Variants in EIF5B observed in about 807,000 individuals in gnomAD.
The protein encoded by EIF5B is eIF-5B.
A neutral mutation model predicts 147.5 loss-of-function variants in EIF5B; 47 were observed. That is an observed-to-expected ratio of 0.32 (90% CI 0.25 to 0.41). The LOEUF (loss-of-function observed/expected upper bound fraction) is 0.41. Ranked by LOEUF, EIF5B falls within the 10% of genes least tolerant of loss-of-function variation. The pLI is 1.00. For missense variants in EIF5B, 1,064 were observed against 1,413.2 expected (o/e 0.75, Z 3.96); for synonymous variants, 455 against 456.2 (o/e 1.00, Z 0.03).
At chr2:99,356,874 A>G (rs1188168119) in intron 1 of EIF5B, among the ~76,000 whole-genome samples, 1 of 152,198 alleles carries the variant, frequency 6.6e-6, no homozygotes, top group Non-Finnish European at 1.5e-5. Flanking sequence ...ACAAATGATG[A>G]TGAACATTTT....
At chr2:99,369,855 A>C (rs1674408503) in intron 8 of EIF5B, among the ~76,000 whole-genome samples, 2 of 152,144 alleles carry the variant, frequency 1.3e-5, no homozygotes, top group Non-Finnish European at 2.9e-5. Context: ...GGGTGCCTGT[A>C]ATCCCAGCTA....
Position 99,379,054 on chromosome 2 carries a change from C to T in EIF5B, c.1878C>T (p.Thr626=), listed in dbSNP as rs11896520. The change falls in exon 11 of 24, where the codon ACC becomes ACT. Residue 626 remains threonine, a synonymous_variant. Coordinates refer to ENST00000289371, the MANE Select transcript of EIF5B (RefSeq NM_015904.4). ...RRLEHSKNVN[T]EKLRAPIICV... Reference sequence around the variant, plus strand: ...TTGAACATAGTAAAAATGTAAACACCGAAAAGCTAAGAGCCCCTATTATCT... The same window carrying T: ...TTGAACATAGTAAAAATGTAAACACTGAAAAGCTAAGAGCCCCTATTATCT... The T allele has an allele frequency of 0.25, 399,988 of 1,578,834 alleles. 54,391 individuals carry two copies. Among genetic ancestry groups the T allele is most frequent in the Admixed American group, 0.36 (19,687 of 54,900 alleles).
At chr2:99,363,507 G>A (rs1215573760) in intron 4 of EIF5B, 138 bp from the exon 5 acceptor site, 7 of 814,454 alleles carry the variant, frequency 8.6e-6, no homozygotes, top group Non-Finnish European at 1.4e-5. Context: ...AGGATGCCTT[G>A]ATGCCTGTAG....
At chr2:99,360,189 T>C in intron 1 of EIF5B, 47 bp from the exon 2 acceptor site, 1 of 1,550,002 alleles carries the variant, frequency 6.5e-7, no homozygotes, top group Non-Finnish European at 8.7e-7. Context: ...AATGAATGAT[T>C]ATTTTGCTTT....
Position 99,361,665 on chromosome 2 carries a change from A to T in EIF5B, c.764A>T (p.Glu255Val), listed in dbSNP as rs2105345129. The change falls in exon 4 of 24, where the codon GAA becomes GTA. Residue 255 changes from glutamate to valine, a missense_variant. Physicochemically the swap from Glu to Val is moderately radical, Grantham distance 121. Transcript: ENST00000289371. ...EEKAKLRKLK[E>V]KEELETGKKD... ...AAAGCGAAACTGCGGAAGCTGAAAG[A>T]AAAAGAAGAGTTAGAAACAGGTAAA... 6.3e-7 allele frequency: 1 copy of T among 1,598,526 alleles called. No individual in the cohort carries two copies. Among genetic ancestry groups the T allele is most frequent in the South Asian group, 1.2e-5 (1 of 86,692 alleles).
chr2:99,363,594 A>G (rs915196887), intron 4 of EIF5B, 51 bp from the exon 5 acceptor site: 1 of 1,532,336 alleles, frequency 6.5e-7, no homozygotes, highest in Admixed American at 2.2e-5. Context: ...CGTCATCACC[A>G]CAGGGAATTG....
At chr2:99,371,342 G>C (rs1018066528) in intron 8 of EIF5B, among the ~76,000 whole-genome samples, 1 of 151,958 alleles carries the variant, frequency 6.6e-6, no homozygotes, top group Non-Finnish European at 1.5e-5. Flanking sequence ...CAAAAAATTA[G>C]CTGGCCACGG....
intron 8 of EIF5B, among the ~76,000 whole-genome samples, chr2:99,370,214 G>A (rs1384242513): frequency 1.3e-5 from 2 of 152,032 alleles, no homozygotes; most frequent in African/African-American, 2.4e-5. Flanking sequence ...TACTCATTGT[G>A]GGGTATCTGT....
chr2:99,344,407 G>T (rs1303655353), intron 1 of EIF5B, among the ~76,000 whole-genome samples: 4 of 145,532 alleles, frequency 2.7e-5, no homozygotes, highest in East Asian at 4.1e-4. Context: ...ACCACAGTTT[G>T]TTGTTGTTGT....
intron 1 of EIF5B, among the ~76,000 whole-genome samples, chr2:99,342,654 T>C (rs747107461): frequency 4.6e-5 from 7 of 151,858 alleles, no homozygotes; most frequent in Non-Finnish European, 1.0e-4. Context: ...TGTTGAGAGA[T>C]GGAATCTCAC....
At chr2:99,384,521 A>T (rs545410868) in intron 14 of EIF5B, among the ~76,000 whole-genome samples, 2 of 152,262 alleles carry the variant, frequency 1.3e-5, no homozygotes, top group East Asian at 1.9e-4. Context: ...TTATACGGCT[A>T]TAGCTGCCAT....
intron 12 of EIF5B, among the ~76,000 whole-genome samples, chr2:99,381,518 G>GGTGTGTGTGTGTGT (rs56686088): frequency 1.5e-4 from 21 of 143,070 alleles, no homozygotes; most frequent in Non-Finnish European, 2.6e-4. Flanking sequence ...ACAAAAAGGG[G>GGTGTGTGTGTGTGT]GTGTGTGTGT....
At chr2:99,371,054 A>G (rs937584568) in intron 8 of EIF5B, 1 of 152,244 alleles carries the variant, frequency 6.6e-6, no homozygotes, top group African/African-American at 2.4e-5. Flanking sequence ...AGCTTTTTCA[A>G]GATCTAAAGA....
At chr2:99,385,125 C>T (rs1330514266) in intron 14 of EIF5B, among the ~76,000 whole-genome samples, 3 of 152,174 alleles carry the variant, frequency 2.0e-5, no homozygotes, top group African/African-American at 7.2e-5. Context: ...CAGCTCACCG[C>T]AACCTCTGCC....
In EIF5B at chr2:99,337,421, C is replaced by G. The variant is rs370609784; in HGVS notation, c.-134C>G. ...ATGTGTCCTGTTCCAGTGCGCGGGT[C>G]TGTGGAGAGCCGGGTGCGAGCGGCG... On this transcript the variant is annotated 5_prime_UTR_variant, in exon 1 of 24. Transcript: ENST00000289371. 6 of 1,106,478 alleles carry G rather than the reference C, an allele frequency of 5.4e-6. No individual in the cohort carries two copies. The East Asian group carries it at 1.3e-4, about 24-fold the overall frequency. 68.5% of individuals were successfully genotyped at this position (1,106,478 alleles called of 1,614,324 possible).
chr2:99,381,049 T>A (rs1279039002), intron 12 of EIF5B, among the ~76,000 whole-genome samples: 7 of 152,232 alleles, frequency 4.6e-5, no homozygotes, highest in Non-Finnish European at 1.0e-4. Context: ...TACATCTTGA[T>A]GTCGCTTCTG....
intron 1 of EIF5B, among the ~76,000 whole-genome samples, chr2:99,357,032 GT>G (rs1311705572): frequency 1.3e-5 from 2 of 152,140 alleles, no homozygotes; most frequent in Admixed American, 6.5e-5. Flanking sequence ...TCAGTCTGTG[GT>G]TAGTGTTTTC....
Position 99,364,348 on chromosome 2 carries a change from G to T in EIF5B, c.1215G>T (p.Gly405=), listed in dbSNP as rs117138860. 0.013 allele frequency: 21,100 copies of T among 1,610,570 alleles called. 155 individuals carry two copies. The highest frequency in any genetic ancestry group is 0.016 in the Middle Eastern group (94 of 6,044). ...GAAAAGAACGCTTGAAAAAAGAAGG[G>T]AAACTTTTAACTAAATCCCAGAGAG... ...KERKERLKKE[G]KLLTKSQREA... is the part of the protein sequence containing the mutation. The change falls in exon 6 of 24, where the codon GGG becomes GGT. Residue 405 remains glycine (G), a synonymous_variant. Coordinates refer to ENST00000289371, the MANE Select transcript of EIF5B (RefSeq NM_015904.4).
rs1292324845 is a variant in EIF5B at position 99,400,169 on chromosome 2, CTT to C, written c.*756_*757del. On this transcript the variant is annotated 3_prime_UTR_variant, in exon 24 of 24. Coordinates refer to ENST00000289371, the MANE Select transcript of EIF5B (RefSeq NM_015904.4). ...ACAAACTAAACTATCATCACACTAC[CTT>C]GTATGCCAGCACCTGGTAACAGTAG... 6.6e-6 allele frequency: 1 copy of C among 152,212 alleles called. No homozygotes were observed. Among genetic ancestry groups the C allele is most frequent in the Non-Finnish European group, 1.5e-5 (1 of 68,044 alleles). 9.4% of individuals were successfully genotyped at this position (152,212 alleles called of 1,614,324 possible).
Sources: gnomAD v4.1 joint callset for allele counts (sites outside exome capture counted in the v4.1 genomes callset) on GRCh38, gnomAD v4.1.1 for gene constraint, MANE v1.5 for transcripts, NCBI Gene and HGNC (gene_info 2026-07-23, HGNC 2026-07-21) for gene names.